The following TLK2 variants were observed in gnomAD, a reference collection of about 807,000 sequenced individuals.
The protein encoded by TLK2 is serine/threonine-protein kinase tousled-like 2.
TLK2 carries 6 observed loss-of-function variants against 117.3 expected under a neutral mutation model. The ratio of observed to expected loss-of-function variants is 0.05; its 90% CI spans 0.03 to 0.10. The LOEUF (loss-of-function observed/expected upper bound fraction) is 0.10, where lower values mean the gene tolerates loss of function less well. TLK2 is among the 10% of genes least tolerant of loss of function. The probability of loss-of-function intolerance (pLI) is 1.00; values close to 1 mark genes in which losing one functional copy is unlikely to be tolerated. For missense variants in TLK2, 299 were observed against 901.2 expected, an observed-to-expected ratio of 0.33 and a Z score of 8.56; for synonymous variants, 257 against 316.7, an observed-to-expected ratio of 0.81 and a Z score of 2.00.
chr17:62,476,944 G>C (rs2071065094), upstream of TLK2, among the ~76,000 whole-genome samples: 1 of 150,452 alleles, frequency 6.6e-6, no homozygotes, highest in African/African-American at 2.4e-5. Flanking sequence ...AAAAAAATTA[G>C]CCGGGCCTGG....
chr17:62,550,928 C>T (rs959849421), intron 7 of TLK2: 1 of 152,456 alleles, frequency 6.6e-6, no homozygotes, highest in African/African-American at 2.4e-5. Flanking sequence ...AAGCAATTCT[C>T]CTGCCTCAGC....
At chr17:62,584,696 T>C (rs2081483654) in intron 15 of TLK2, among the ~76,000 whole-genome samples, 1 of 152,200 alleles carries the variant, frequency 6.6e-6, no homozygotes, top group South Asian at 2.1e-4. Context: ...TGAAATAAGA[T>C]ATTATGTCTG....
chr17:62,481,801 C>T (rs539992874), intron 2 of TLK2, among the ~76,000 whole-genome samples: 57 of 152,256 alleles, frequency 3.7e-4, no homozygotes, highest in African/African-American at 1.1e-3. Flanking sequence ...CTGGTCCACC[C>T]CTCTGCTCTC....
At chr17:62,578,599 G>A (rs995961004) in intron 14 of TLK2, 25 bp downstream of exon 14, 9 of 1,555,700 alleles carry the variant, frequency 5.8e-6, no homozygotes, top group African/African-American at 2.7e-5. Flanking sequence ...GGCATATTGG[G>A]TTGGAGATTG....
chr17:62,512,430 T>A (rs1235873476), intron 2 of TLK2, among the ~76,000 whole-genome samples: 1 of 151,800 alleles, frequency 6.6e-6, no homozygotes, highest in Non-Finnish European at 1.5e-5. Context: ...TCCACGTTGG[T>A]CAGGCTGGTC....
At chr17:62,604,868 C>T (rs1311665505) in intron 19 of TLK2, among the ~76,000 whole-genome samples, 1 of 136,950 alleles carries the variant, frequency 7.3e-6, no homozygotes, top group South Asian at 2.3e-4. Flanking sequence ...GACTCTGTCT[C>T]AAAAAAAAAA....
upstream of TLK2, among the ~76,000 whole-genome samples, chr17:62,476,740 G>A (rs1011934411): frequency 6.6e-6 from 1 of 152,098 alleles, no homozygotes; most frequent in African/African-American, 2.4e-5. Flanking sequence ...TCCATTGAGT[G>A]CTTTCTCTTA....
At chr17:62,599,720 G>A (rs1443451441) in intron 17 of TLK2, among the ~76,000 whole-genome samples, 1 of 152,150 alleles carries the variant, frequency 6.6e-6, no homozygotes, top group Non-Finnish European at 1.5e-5. Context: ...TGTATGATCA[G>A]TTCCCTGAAT....
At chr17:62,540,942 A>C (rs1200644440) in intron 7 of TLK2, among the ~76,000 whole-genome samples, 1 of 152,038 alleles carries the variant, frequency 6.6e-6, no homozygotes, top group African/African-American at 2.4e-5. Context: ...ACTACCATCT[A>C]CCTTTCTCAT....
intron 9 of TLK2, among the ~76,000 whole-genome samples, chr17:62,556,629 A>C (rs988671833): frequency 3.9e-5 from 6 of 152,178 alleles, no homozygotes; most frequent in African/African-American, 1.2e-4. Context: ...TATTTCAGAG[A>C]GGTTCATGAC....
chr17:62,600,422 G>A lies in TLK2; in HGVS notation c.1551-229G>A, dbSNP rs952466278. On this transcript the variant is annotated intron_variant, in intron 17 of 21. Transcript: ENST00000346027. ...AGAGGTCTGCCATGGGTGAACTTGA[G>A]CACAACAGATTCCAACATTGAGGGT... The A allele has an allele frequency of 6.9e-6, 3 of 434,340 alleles. No individual in the cohort carries two copies. In the Admixed American group the frequency reaches 1.2e-4, roughly 17 times the overall value. 26.9% of individuals were successfully genotyped at this position (434,340 alleles called of 1,614,324 possible).
At chr17:62,536,401 G>T in intron 7 of TLK2, 64 bp downstream of exon 7, 2 of 1,470,082 alleles carry the variant, frequency 1.4e-6, no homozygotes, top group South Asian at 1.4e-5. Context: ...TGATGAGGTT[G>T]GATTAATTAT....
intron 2 of TLK2, among the ~76,000 whole-genome samples, chr17:62,502,336 T>C (rs777925866): frequency 5.3e-5 from 8 of 152,192 alleles, no homozygotes; most frequent in Non-Finnish European, 1.0e-4. Flanking sequence ...TTTGACTAAC[T>C]GTTAACACTA....
intron 16 of TLK2, among the ~76,000 whole-genome samples, chr17:62,586,866 C>A (rs2081648592): frequency 6.6e-6 from 1 of 151,574 alleles, no homozygotes; most frequent in African/African-American, 2.4e-5. Flanking sequence ...AGAAACTAGA[C>A]CCTAGGGAGC....
At chr17:62,474,167 C>T (rs1172362760), upstream of TLK2, among the ~76,000 whole-genome samples, 1 of 152,032 alleles carries the variant, frequency 6.6e-6, no homozygotes, top group African/African-American at 2.4e-5. Context: ...CAAGCTCTGC[C>T]TCCTGGGTTC....
chr17:62,528,886 A>G (rs1454252758), intron 6 of TLK2, among the ~76,000 whole-genome samples: 2 of 152,306 alleles, frequency 1.3e-5, no homozygotes, highest in Admixed American at 6.5e-5. Flanking sequence ...AAGGTAGACT[A>G]TTTCCAGCAG....
intron 2 of TLK2, among the ~76,000 whole-genome samples, chr17:62,486,465 T>C (rs907125492): frequency 8.5e-5 from 13 of 152,212 alleles, no homozygotes; most frequent in African/African-American, 3.1e-4. Flanking sequence ...TGGCCTGTCC[T>C]ACCTCTTTTT....
At chr17:62,518,074 T>G (rs2145449173) in intron 2 of TLK2, among the ~76,000 whole-genome samples, 1 of 152,338 alleles carries the variant, frequency 6.6e-6, no homozygotes, top group Non-Finnish European at 1.5e-5. Flanking sequence ...CCGTTTGGGG[T>G]TTTAGCCCAT....
At chr17:62,589,032 A>G (rs992519048) in intron 16 of TLK2, among the ~76,000 whole-genome samples, 4 of 152,192 alleles carry the variant, frequency 2.6e-5, no homozygotes, top group Admixed American at 1.3e-4. Flanking sequence ...TTATTCTGGT[A>G]AAAAAGAAGG....
Sources: gnomAD v4.1 joint callset for allele counts (sites outside exome capture counted in the v4.1 genomes callset) on GRCh38, gnomAD v4.1.1 for gene constraint, MANE v1.5 for transcripts, NCBI Gene and HGNC (gene_info 2026-07-23, HGNC 2026-07-21) for gene names.